The following PPHLN1 variants were observed in gnomAD, a reference collection of about 807,000 sequenced individuals.
PPHLN1 encodes the protein periphilin 1, also known as periphilin-1.
Under a neutral mutation model 51.3 loss-of-function variants are expected in PPHLN1, and 29 were observed. The ratio of observed to expected loss-of-function variants is 0.57; its 90% CI spans 0.42 to 0.77. The LOEUF (loss-of-function observed/expected upper bound fraction) is 0.77. PPHLN1 is among the 30% of genes least tolerant of loss of function. The pLI is 0.00. For missense variants in PPHLN1, 436 were observed against 438.4 expected, an observed-to-expected ratio of 0.99 and a Z score of 0.05; for synonymous variants, 147 against 147.8, an observed-to-expected ratio of 0.99 and a Z score of 0.04.
intron 5 of PPHLN1, 90 bp downstream of exon 5, chr12:42,375,164 T>A: frequency 9.4e-7 from 1 of 1,064,588 alleles, no homozygotes. Context: ...GTAAGAGATT[T>A]ATTTTTTAAA....
chr12:42,349,882 G>GCCATCGTCATCATGGC (rs1410631808), intron 2 of PPHLN1, among the ~76,000 whole-genome samples: 1 of 152,072 alleles, frequency 6.6e-6, no homozygotes, highest in Non-Finnish European at 1.5e-5. Context: ...TGACAAAACC[G>GCCATCGTCATCATGGC]CCATCGTCAT....
chr12:42,398,156 C>A (rs982415323), intron 8 of PPHLN1, among the ~76,000 whole-genome samples: 2 of 152,136 alleles, frequency 1.3e-5, no homozygotes, highest in Non-Finnish European at 2.9e-5. Flanking sequence ...TATTCCAATA[C>A]TTAATCTCCC....
intron 4 of PPHLN1, among the ~76,000 whole-genome samples, chr12:42,370,850 G>A (rs2075731233): frequency 1.3e-5 from 2 of 152,138 alleles, no homozygotes; most frequent in Non-Finnish European, 2.9e-5. Flanking sequence ...TTTGTTTTGA[G>A]ACAGGGTCTC....
chr12:42,397,617 C>A (rs1301502105), intron 8 of PPHLN1, among the ~76,000 whole-genome samples: 1 of 152,084 alleles, frequency 6.6e-6, no homozygotes, highest in Non-Finnish European at 1.5e-5. Context: ...AGTAACAGAA[C>A]ACCAGTGACT....
At chr12:42,406,208 C>T (rs1290479462) in intron 9 of PPHLN1, among the ~76,000 whole-genome samples, 2 of 151,794 alleles carry the variant, frequency 1.3e-5, no homozygotes, top group Non-Finnish European at 2.9e-5. Flanking sequence ...CTCAGCCTCC[C>T]GAGTAGCTGG....
intron 1 of PPHLN1, among the ~76,000 whole-genome samples, chr12:42,334,960 C>T (rs2070364254): frequency 6.6e-6 from 1 of 152,222 alleles, no homozygotes; most frequent in Admixed American, 6.5e-5. Flanking sequence ...CTGTGACCTA[C>T]AAGGCCGAAA....
intron 4 of PPHLN1, among the ~76,000 whole-genome samples, chr12:42,363,698 G>A (rs1418577601): frequency 1.3e-5 from 2 of 151,876 alleles, no homozygotes; most frequent in African/African-American, 4.8e-5. Flanking sequence ...GGCATGCCTG[G>A]TGAAGTTATC....
Position 42,441,700 on chromosome 12 carries a change from T to G in PPHLN1, c.*191T>G. On this transcript the variant is annotated 3_prime_UTR_variant, in exon 10 of 10. Transcript: ENST00000358314. Reference sequence around the variant, plus strand: ...TGTTTGATTCAAATTTTTGTATTTTTTGTAGAGATGGGGTTCACCATGTTG... The same window carrying G: ...TGTTTGATTCAAATTTTTGTATTTTGTGTAGAGATGGGGTTCACCATGTTG... 1 of 1,265,028 alleles carries G rather than the reference T, an allele frequency of 7.9e-7. No individual in the cohort carries two copies. The highest frequency in any genetic ancestry group is 1.0e-6 in the Non-Finnish European group (1 of 990,394). The allele number at this position is 1,265,028 out of a possible 1,614,324, so 78.4% of individuals were successfully genotyped here.
At chr12:42,367,820 C>T (rs1035320631) in intron 4 of PPHLN1, among the ~76,000 whole-genome samples, 26 of 152,186 alleles carry the variant, frequency 1.7e-4, no homozygotes, top group African/African-American at 5.5e-4. Context: ...CTGTAACCTC[C>T]GCCTCCTGGA....
intron 9 of PPHLN1, among the ~76,000 whole-genome samples, chr12:42,423,491 TTAC>T (rs990331686): frequency 6.6e-6 from 1 of 152,174 alleles, no homozygotes; most frequent in African/African-American, 2.4e-5. Flanking sequence ...GTATTGTATG[TTAC>T]CTAATTGAAA....
At chr12:42,352,650 G>A (rs1457145779) in intron 3 of PPHLN1, among the ~76,000 whole-genome samples, 5 of 151,758 alleles carry the variant, frequency 3.3e-5, no homozygotes, top group Non-Finnish European at 7.4e-5. Flanking sequence ...CATCAAGTGG[G>A]AGGTCACTTG....
intron 4 of PPHLN1, 156 bp from the exon 5 acceptor site, chr12:42,374,707 G>C: frequency 1.8e-6 from 1 of 564,526 alleles, no homozygotes; most frequent in Non-Finnish European, 3.0e-6. Flanking sequence ...GCCCGTCTCG[G>C]CCTCCCAAAG....
At chr12:42,400,467 CAAAA>C (rs34462402) in intron 9 of PPHLN1, 5 of 95,394 alleles carry the variant, frequency 5.2e-5, no homozygotes, top group African/African-American at 1.2e-4. Flanking sequence ...GACTCCGTCT[CAAAA>C]AAAAAAAAAA....
intron 5 of PPHLN1, 65 bp from the exon 6 acceptor site, chr12:42,384,875 C>T: frequency 6.8e-7 from 1 of 1,467,176 alleles, no homozygotes; most frequent in Non-Finnish European, 9.5e-7. Flanking sequence ...CTTCTGAGTT[C>T]TTCTCTTGTT....
intron 2 of PPHLN1, among the ~76,000 whole-genome samples, chr12:42,348,310 C>T (rs1175227894): frequency 6.7e-5 from 6 of 89,556 alleles, no homozygotes; most frequent in African/African-American, 1.9e-4. Context: ...TTAGTAGAAA[C>T]GGGGTTTCAC....
At chr12:42,352,377 A>G (rs2073470183) in intron 3 of PPHLN1, among the ~76,000 whole-genome samples, 1 of 151,746 alleles carries the variant, frequency 6.6e-6, no homozygotes, top group Non-Finnish European at 1.5e-5. Context: ...AGTGATGAGC[A>G]GGTGGTTACC....
At chr12:42,445,607 C>T (rs556655022), downstream of PPHLN1, 22 of 199,752 alleles carry the variant, frequency 1.1e-4, no homozygotes, top group African/African-American at 1.6e-4. Context: ...AATAATGGTC[C>T]GGCTTATGCC....
At chr12:42,398,010 G>A (rs1198833596) in intron 8 of PPHLN1, among the ~76,000 whole-genome samples, 1 of 150,676 alleles carries the variant, frequency 6.6e-6, no homozygotes, top group East Asian at 2.0e-4. Context: ...ACATGTATGT[G>A]TCAGAAATTC....
At chr12:42,333,543 C>T (rs551617637) in intron 1 of PPHLN1, among the ~76,000 whole-genome samples, 1 of 151,688 alleles carries the variant, frequency 6.6e-6, no homozygotes, top group East Asian at 1.9e-4. Flanking sequence ...AGTGCAGTGG[C>T]ACAATCTTAG....
Sources: allele counts gnomAD v4.1 joint callset (sites outside exome capture counted in the v4.1 genomes callset), GRCh38; gene constraint gnomAD v4.1.1; transcripts MANE v1.5; gene names NCBI Gene and HGNC (gene_info 2026-07-23, HGNC 2026-07-21).